The following SCN4B variants were observed in gnomAD, a reference collection of about 807,000 sequenced individuals.
SCN4B encodes the protein sodium voltage-gated channel beta subunit 4.
In SCN4B, 20 loss-of-function variants were observed where a neutral mutation model predicts 19.6. The ratio of observed to expected loss-of-function variants is 1.02; its 90% CI spans 0.72 to 1.48. The LOEUF is 1.48. Ranked by LOEUF, SCN4B falls within the 40% of genes most tolerant of loss-of-function variation. SCN4B has a pLI of 0.00. For synonymous variants in SCN4B, 127 were observed against 122.8 expected (o/e 1.03, Z -0.22); for missense variants, 271 against 287.5 (o/e 0.94, Z 0.42).
rs886047733 is a variant in SCN4B, at chr11:118,152,789, C to T, written c.-116G>A. The T allele has an allele frequency of 3.7e-5, 24 of 645,098 alleles. No homozygotes were observed. The East Asian group carries it at 5.8e-4, about 15-fold the overall frequency. The allele number at this position is 645,098 out of a possible 1,614,324, so 40.0% of individuals were successfully genotyped here. On this transcript the variant is annotated 5_prime_UTR_variant, in exon 1 of 5. Transcript: ENST00000324727. ...AAGCTACCCCGGAGCTCTGCGCCGC[C>T]GGTCGGGGCTCGGGAAAGTTAGCGG... is the stretch of plus-strand genomic sequence containing the variant.
rs1210303103 is a variant in SCN4B at position 118,133,387 on chromosome 11, T to C, written c.*3640A>G. 1.1e-5 allele frequency: 4 copies of C among 376,130 alleles called. No individual in the cohort carries two copies. In the Admixed American group the frequency reaches 1.3e-4, roughly 13 times the overall value. The allele number at this position is 376,130 out of a possible 1,614,324, so 23.3% of individuals were successfully genotyped here. A position where few individuals can be genotyped will look rare whatever the true frequency, so the allele number is the denominator to read the frequency against. ...CCCCCAAATCCCAAATTATTAAACATAATTTTTATTTCATCCAAGGCAAAG... is the reference window on the plus strand; with the variant it reads ...CCCCCAAATCCCAAATTATTAAACACAATTTTTATTTCATCCAAGGCAAAG... On this transcript the variant is annotated 3_prime_UTR_variant, in exon 5 of 5. Coordinates refer to ENST00000324727, the MANE Select transcript of SCN4B (RefSeq NM_174934.4).
chr11:118,135,616 C>T lies in SCN4B; in HGVS notation c.*1411G>A, dbSNP rs755564095. ...AGAAACCCCAATGGGAGCACCTGGC[C>T]GACATCTCCAAGATTCAGTCACTGG... On this transcript the variant is annotated 3_prime_UTR_variant, in exon 5 of 5. Transcript: ENST00000324727. The T allele has an allele frequency of 6.2e-5, 28 of 453,976 alleles. No homozygotes were observed. The highest frequency in any genetic ancestry group is 3.7e-4 in the South Asian group (24 of 64,468). The allele number at this position is 453,976 out of a possible 1,614,324, so 28.1% of individuals were successfully genotyped here. A position where few individuals can be genotyped will look rare whatever the true frequency, so the allele number is the denominator to read the frequency against.
At chr11:118,150,159 A>G (rs1010091005) in intron 1 of SCN4B, among the ~76,000 whole-genome samples, 1 of 152,216 alleles carries the variant, frequency 6.6e-6, no homozygotes, top group Non-Finnish European at 1.5e-5. Context: ...AGATCACAGC[A>G]ATTAAGTAAA....
At chr11:118,146,987 T>A (rs113339675) in intron 1 of SCN4B, among the ~76,000 whole-genome samples, 2 of 152,256 alleles carry the variant, frequency 1.3e-5, no homozygotes, top group African/African-American at 4.8e-5. Flanking sequence ...AGAGCCATGG[T>A]TTTCAAACTT....
At chr11:118,141,490 C>T (rs1948099155) in intron 3 of SCN4B, 154 bp from the exon 4 acceptor site, 1 of 825,446 alleles carries the variant, frequency 1.2e-6, no homozygotes, top group Non-Finnish European at 2.0e-6. Flanking sequence ...CCCAGGCCTG[C>T]AGCAGGAAGC....
intron 4 of SCN4B, among the ~76,000 whole-genome samples, chr11:118,137,652 C>G (rs1948035771): frequency 6.6e-6 from 1 of 152,214 alleles, no homozygotes; most frequent in African/African-American, 2.4e-5. Flanking sequence ...GCCTGGGCAA[C>G]AGAGCGAGAC....
In SCN4B at chr11:118,152,757, G is replaced by C; in HGVS notation, c.-84C>G. The C allele has an allele frequency of 1.8e-6, 2 of 1,140,506 alleles. No individual in the cohort carries two copies. The highest frequency in any genetic ancestry group is 2.5e-6 in the Non-Finnish European group (2 of 811,094). The allele number at this position is 1,140,506 out of a possible 1,614,324, so 70.6% of individuals were successfully genotyped here. On this transcript the variant is annotated 5_prime_UTR_variant, in exon 1 of 5. Transcript: ENST00000324727. ...CGCTCTCCGCCCGAGGTCGGCGTTCGGCCACAAAGCTACCCCGGAGCTCTG... is the reference window on the plus strand; with the variant it reads ...CGCTCTCCGCCCGAGGTCGGCGTTCCGCCACAAAGCTACCCCGGAGCTCTG...
Position 118,143,998 on chromosome 11 carries a change from G to A in SCN4B, c.298C>T (p.Arg100Cys), listed in dbSNP as rs149497652. The A allele has an allele frequency of 1.6e-5, 26 of 1,614,082 alleles. No homozygotes were observed. The highest frequency in any genetic ancestry group is 3.3e-5 in the South Asian group (3 of 91,084). ...TTAGTAGAGCCTACCAGAGTGATGC[G>A]GTCATCGTCTTTCAACGTCACCTTG... ...DPKVTLKDDD[R>C]ITLVGSTKEK... is the part of the protein sequence containing the mutation. The change falls in exon 3 of 5, where the codon CGC becomes TGC. Residue 100 changes from arginine (R) to cysteine (C), a missense_variant. By Grantham distance (180) the Arg-to-Cys change is radical (BLOSUM62 -3). Coordinates refer to ENST00000324727, the MANE Select transcript of SCN4B (RefSeq NM_174934.4).
At chr11:118,151,149 C>CAT (rs1280556365) in intron 1 of SCN4B, among the ~76,000 whole-genome samples, 23 of 139,064 alleles carry the variant, frequency 1.7e-4, no homozygotes, top group African/African-American at 5.2e-4. Flanking sequence ...CACACACACA[C>CAT]ACATCATTTT....
chr11:118,143,867 G>C lies in SCN4B; in HGVS notation c.429C>G (p.His143Gln). The C allele has an allele frequency of 2.5e-6, 4 of 1,612,710 alleles. No homozygotes were observed. The highest frequency in any genetic ancestry group is 3.4e-6 in the Non-Finnish European group (4 of 1,179,872). ...CGACTTGGAGGAAGATGGTGGCGTG[G>C]TGCTGGAGATTATTCTCCTTGGGGT... is the stretch of plus-strand genomic sequence containing the variant. ...VKNPKENNLQ[H>Q]HATIFLQVVD... is the part of the protein sequence containing the mutation. Residue 143 changes from histidine (H) to glutamine (Q), a missense_variant, in exon 3 of 5, where the codon CAC becomes CAG. By Grantham distance (24) the His-to-Gln change is conservative. Coordinates refer to ENST00000324727, the MANE Select transcript of SCN4B (RefSeq NM_174934.4).
intron 3 of SCN4B, 21 bp downstream of exon 3, chr11:118,143,812 G>A: frequency 6.3e-7 from 1 of 1,586,520 alleles, no homozygotes; most frequent in Non-Finnish European, 8.6e-7. Context: ...CCACTGCCCT[G>A]TGCCAGCCCC....
intron 2 of SCN4B, 97 bp downstream of exon 2, chr11:118,144,960 C>T: frequency 1.6e-6 from 2 of 1,240,174 alleles, no homozygotes; most frequent in Non-Finnish European, 2.4e-6. Flanking sequence ...TTCTGGGGAC[C>T]ATCGCAGTGG....
intron 3 of SCN4B, among the ~76,000 whole-genome samples, chr11:118,143,451 G>A (rs2135503444): frequency 6.6e-6 from 1 of 152,224 alleles, no homozygotes; most frequent in South Asian, 2.1e-4. Flanking sequence ...GCACTTTTTA[G>A]TCCAATGCCT....
In SCN4B at chr11:118,135,506, T is replaced by G. The variant is rs527907208; in HGVS notation, c.*1521A>C. The G allele has an allele frequency of 6.6e-6, 3 of 454,084 alleles. No homozygotes were observed. In the Admixed American group the frequency reaches 7.0e-5, roughly 11 times the overall value. 28.1% of individuals were successfully genotyped at this position (454,084 alleles called of 1,614,324 possible). ...AGAGAGGCTTGTTACCACTTTTCCC[T>G]GCCATCCCTGGCCTCACCAATTCTG... On this transcript the variant is annotated 3_prime_UTR_variant, in exon 5 of 5. Transcript: ENST00000324727.
At position 118,136,341 on chromosome 11, in the gene SCN4B, G is replaced by T; in HGVS notation, c.*686C>A. 1 of 453,926 alleles carries T rather than the reference G, an allele frequency of 2.2e-6. No homozygotes were observed. The highest frequency in any genetic ancestry group is 4.4e-6 in the Non-Finnish European group (1 of 226,720). The allele number at this position is 453,926 out of a possible 1,614,324, so 28.1% of individuals were successfully genotyped here. On this transcript the variant is annotated 3_prime_UTR_variant, in exon 5 of 5. Transcript: ENST00000324727. Reference sequence around the variant, plus strand: ...GCCCCTCAGTAACCCAGAGAGCAGAGGAGCAGGCTAGGTGGCCAGGAACCC... The same window carrying T: ...GCCCCTCAGTAACCCAGAGAGCAGATGAGCAGGCTAGGTGGCCAGGAACCC...
chr11:118,138,065 C>G (rs1373465433), intron 4 of SCN4B, among the ~76,000 whole-genome samples: 1 of 152,232 alleles, frequency 6.6e-6, no homozygotes, highest in African/African-American at 2.4e-5. Context: ...CCGCTCTGAG[C>G]TGGACATGCT....
Position 118,133,834 on chromosome 11 carries a change from C to A in SCN4B, c.*3193G>T. On this transcript the variant is annotated 3_prime_UTR_variant, in exon 5 of 5. Coordinates refer to ENST00000324727, the MANE Select transcript of SCN4B (RefSeq NM_174934.4). ...GTCATGGAGTGACGGAATGCAGGAG[C>A]ACGGCTGGTCTTCTCTGCCTTTGAT... 1 of 454,486 alleles carries A rather than the reference C, an allele frequency of 2.2e-6. No homozygotes were observed. The highest frequency in any genetic ancestry group is 1.6e-5 in the South Asian group (1 of 64,472). 28.2% of individuals were successfully genotyped at this position (454,486 alleles called of 1,614,324 possible). A position where few individuals can be genotyped will look rare whatever the true frequency, so the allele number is the denominator to read the frequency against.
chr11:118,137,062 A>C lies in SCN4B; in HGVS notation c.652T>G (p.Ser218Ala). ...NDNTENGLPGSKAEEKPPSKV is the reference protein window; with the variant it reads ...NDNTENGLPGAKAEEKPPSKV ...GAAGGTGGTTTCTCCTCTGCCTTGG[A>C]GCCAGGCAAGCCGTTCTCCGTGTTG... Residue 218 changes from serine (S) to alanine (A), a missense_variant, in exon 5 of 5, where the codon TCC becomes GCC. By Grantham distance (99) the Ser-to-Ala change is moderately conservative (BLOSUM62 1). Transcript: ENST00000324727. The C allele has an allele frequency of 1.2e-6, 2 of 1,613,956 alleles. No individual in the cohort carries two copies. The highest frequency in any genetic ancestry group is 4.5e-5 in the East Asian group (2 of 44,872).
At chr11:118,147,892 C>G (rs1273560022) in intron 1 of SCN4B, among the ~76,000 whole-genome samples, 1 of 152,222 alleles carries the variant, frequency 6.6e-6, no homozygotes. Flanking sequence ...AATCTCCCCA[C>G]CTCAACCCTA....
Sources: gnomAD v4.1 joint callset for allele counts (sites outside exome capture counted in the v4.1 genomes callset) on GRCh38, gnomAD v4.1.1 for gene constraint, MANE v1.5 for transcripts, NCBI Gene and HGNC (gene_info 2026-07-23, HGNC 2026-07-21) for gene names.